VWA2: variants seen among roughly 807,000 people sequenced by gnomAD.
The protein encoded by VWA2 is von Willebrand factor A domain containing 2.
Under a neutral mutation model 70.4 loss-of-function variants are expected in VWA2, and 73 were observed. That is an observed-to-expected ratio of 1.04 (90% CI 0.86 to 1.26). The LOEUF is 1.26. Among genes scored for constraint, VWA2 ranks in the 50% most tolerant of loss-of-function variants. The pLI is 0.00. For missense variants in VWA2, 1,011 were observed against 998.5 expected (o/e 1.01, Z -0.17); for synonymous variants, 407 against 423.3 (o/e 0.96, Z 0.47).
intron 2 of VWA2, among the ~76,000 whole-genome samples, chr10:114,249,927 A>T (rs1589739685): frequency 1.3e-5 from 2 of 151,486 alleles, no homozygotes; most frequent in Non-Finnish European, 1.5e-5. Flanking sequence ...ACCACAGCCC[A>T]CTCTCCTTCC....
At chr10:114,273,036 T>C in intron 6 of VWA2, 102 bp downstream of exon 6, 2 of 990,866 alleles carry the variant, frequency 2.0e-6, no homozygotes, top group Non-Finnish European at 2.9e-6. Flanking sequence ...GCCGTCCAGG[T>C]CCTTCCCTGG....
rs35282387 is a variant in VWA2 at position 114,264,423 on chromosome 10, C to CT, written c.371+3140dup. On this transcript the variant is annotated intron_variant, in intron 5 of 13. Coordinates refer to ENST00000392982, the MANE Select transcript of VWA2 (RefSeq NM_001272046.2). ...CATATACTATATGATTCCACGTTTT[C>CT]TTTTTTTTTTTTGAGATGGAGTCTT... Among the ~76,000 whole-genome samples the CT allele has an allele frequency of 1.7e-3, 246 of 146,540 alleles. 1 individual carries two copies. The highest frequency in any genetic ancestry group is 4.3e-3 in the South Asian group (20 of 4,612).
chr10:114,253,701 G>A lies in VWA2; in HGVS notation c.103G>A (p.Gly35Arg), dbSNP rs750801261. The change falls in exon 3 of 14, where the codon GGG (glycine) becomes AGG (arginine). Residue 35 changes from glycine (G) to arginine (R), a missense_variant. Physicochemically the swap from Gly to Arg is moderately radical, Grantham distance 125. Transcript: ENST00000392982. The part of the protein sequence containing the change: ...QEVHVSKETI[G>R]KISAASKMMW... ...AGTCCATGTAAGCAAAGAAACCATC[G>A]GGAAGATTTCAGCTGCCAGCAAAAG... 2.2e-5 allele frequency: 35 copies of A among 1,612,158 alleles called. No homozygotes were observed. The South Asian group carries it at 2.2e-4, about 10-fold the overall frequency.
chr10:114,280,480 C>T (rs910438632), intron 8 of VWA2, among the ~76,000 whole-genome samples: 5 of 152,000 alleles, frequency 3.3e-5, no homozygotes, highest in African/African-American at 1.2e-4. Flanking sequence ...ATGGAGTGGC[C>T]AGGGAGGGCC....
At chr10:114,262,324 A>T (rs2037461854) in intron 5 of VWA2, among the ~76,000 whole-genome samples, 2 of 149,492 alleles carry the variant, frequency 1.3e-5, no homozygotes, top group Non-Finnish European at 3.0e-5. Flanking sequence ...ATATACATAT[A>T]ATATATATGA....
rs1379889416 is a variant in VWA2, at chr10:114,292,011, C to T, written c.*774C>T. Among the ~76,000 whole-genome samples the T allele has an allele frequency of 1.3e-5, 2 of 152,132 alleles. No homozygotes were observed. The highest frequency in any genetic ancestry group is 4.8e-5 in the African/African-American group (2 of 41,414). On this transcript the variant is annotated 3_prime_UTR_variant, in exon 14 of 14. Transcript: ENST00000392982. ...AAGAGGCTGCGGCCAGAGACTGTGG[C>T]TCATGCCTGTAATCCCAGCACTTTG...
chr10:114,289,310 C>T lies in VWA2; in HGVS notation c.1943C>T (p.Ala648Val). The change falls in exon 12 of 14, where the codon GCA (alanine) becomes GTA (valine). Residue 648 changes from alanine to valine, a missense_variant. Coordinates refer to ENST00000392982, the MANE Select transcript of VWA2 (RefSeq NM_001272046.2). ...ACAGGCGGGAGAGGCGCAGAGGATG[C>T]AGCCGTTCCTGCCCAGAAGCTGAGG... Reference protein sequence around the residue: ...VLTGGRGAEDAAVPAQKLRNN... With the variant: ...VLTGGRGAEDVAVPAQKLRNN... The T allele has an allele frequency of 6.2e-7, 1 of 1,614,164 alleles. No homozygotes were observed. Among genetic ancestry groups the T allele is most frequent in the East Asian group, 2.2e-5 (1 of 44,882 alleles).
At chr10:114,268,722 TCTCG>T (rs1220023620) in intron 5 of VWA2, among the ~76,000 whole-genome samples, 1 of 145,518 alleles carries the variant, frequency 6.9e-6, no homozygotes, top group Non-Finnish European at 1.5e-5. Context: ...TGAGACGGAG[TCTCG>T]CTCTGTCGCT....
chr10:114,254,669 T>C (rs139958591), intron 3 of VWA2, among the ~76,000 whole-genome samples: 255 of 152,336 alleles, frequency 1.7e-3, no homozygotes, highest in Middle Eastern at 6.8e-3. Flanking sequence ...ACGTAATTGA[T>C]ATTGTTGAAC....
Position 114,292,622 on chromosome 10 carries a change from ACTT to A in VWA2, c.*1391_*1393del, listed in dbSNP as rs528519881. Among the ~76,000 whole-genome samples, 45 of 150,468 alleles carry A rather than the reference ACTT, an allele frequency of 3.0e-4. 1 individual carries two copies. Among genetic ancestry groups the A allele is most frequent in the Admixed American group, 1.3e-3 (19 of 14,948 alleles). On this transcript the variant is annotated 3_prime_UTR_variant, in exon 14 of 14. Transcript: ENST00000392982. ...CCTATCGCTGCAGTATTTAGGAATT[ACTT>A]CTTCTCCTTGGTTGTGTTGTTTAGA...
chr10:114,290,043 G>T, intron 12 of VWA2, 197 bp from the exon 13 acceptor site: 1 of 558,670 alleles, frequency 1.8e-6, no homozygotes, highest in South Asian at 2.8e-5. Context: ...CTGAGCAATG[G>T]ACTCTCCATG....
At position 114,289,339 on chromosome 10, in the gene VWA2, A is replaced by G. The variant is rs1337537499; in HGVS notation, c.1972A>G (p.Asn658Asp). The G allele has an allele frequency of 1.9e-6, 3 of 1,614,248 alleles. No homozygotes were observed. The Admixed American group carries it at 5.0e-5, about 27-fold the overall frequency. Reference sequence around the variant, plus strand: ...CGTTCCTGCCCAGAAGCTGAGGAACAATGGCATCTCTGTCTTGGTCGTGGG... The same window carrying G: ...CGTTCCTGCCCAGAAGCTGAGGAACGATGGCATCTCTGTCTTGGTCGTGGG... ...AAVPAQKLRN[N>D]GISVLVVGVG... is the part of the protein sequence containing the mutation. Residue 658 changes from asparagine (N) to aspartate (D), a missense_variant, in exon 12 of 14, where the codon AAT becomes GAT. By Grantham distance (23) the Asn-to-Asp change is conservative (BLOSUM62 1). Transcript: ENST00000392982.
chr10:114,255,626 G>A (rs2037310705), intron 4 of VWA2, among the ~76,000 whole-genome samples: 1 of 152,238 alleles, frequency 6.6e-6, no homozygotes, highest in Non-Finnish European at 1.5e-5. Flanking sequence ...GGACTGAATA[G>A]CACAGCTCCT....
At chr10:114,248,789 G>A in intron 2 of VWA2, 24 bp downstream of exon 2, 1 of 1,608,886 alleles carries the variant, frequency 6.2e-7, no homozygotes, top group Non-Finnish European at 8.5e-7. Context: ...ATTGGTGGTG[G>A]GGAAGTACTG....
intron 1 of VWA2, among the ~76,000 whole-genome samples, chr10:114,241,834 A>C (rs1055201099): frequency 1.3e-5 from 2 of 152,162 alleles, no homozygotes; most frequent in African/African-American, 4.8e-5. Flanking sequence ...TTTAATTGGG[A>C]GGCCTGCAAT....
At chr10:114,282,593 T>C (rs2038298676) in intron 9 of VWA2, 22 bp downstream of exon 9, 1 of 1,612,146 alleles carries the variant, frequency 6.2e-7, no homozygotes, top group African/African-American at 1.3e-5. Flanking sequence ...CTCTTGGATT[T>C]ACAGGTTCTT....
intron 10 of VWA2, 133 bp from the exon 11 acceptor site, chr10:114,285,806 G>A: frequency 1.0e-6 from 1 of 967,794 alleles, no homozygotes; most frequent in Non-Finnish European, 1.5e-6. Context: ...ACGAGCACGG[G>A]TCACTTAAGC....
intron 9 of VWA2, among the ~76,000 whole-genome samples, chr10:114,282,859 A>G (rs1375710000): frequency 6.6e-6 from 1 of 152,156 alleles, no homozygotes; most frequent in East Asian, 1.9e-4. Flanking sequence ...AGACATCCTC[A>G]AAGCCAGCAC....
In VWA2 at chr10:114,248,685, T is replaced by G; in HGVS notation, c.-10-19T>G. 1.2e-6 allele frequency: 2 copies of G among 1,608,344 alleles called. No individual in the cohort carries two copies. Among genetic ancestry groups the G allele is most frequent in the Non-Finnish European group, 1.7e-6 (2 of 1,174,850 alleles). On this transcript the variant is annotated intron_variant, in intron 1 of 13. Transcript: ENST00000392982. ...GAACTAATTGCTGATACTTTCTTTC[T>G]TTTCCTGTGTCCCTGTAGTTATATC...
Sources: allele counts gnomAD v4.1 joint callset (sites outside exome capture counted in the v4.1 genomes callset), GRCh38; gene constraint gnomAD v4.1.1; transcripts MANE v1.5; gene names NCBI Gene and HGNC (gene_info 2026-07-23, HGNC 2026-07-21).